The following CTNNA2 variants were observed in gnomAD, a reference collection of about 807,000 sequenced individuals.
The protein encoded by CTNNA2 is catenin alpha 2, also known as catenin alpha-2.
In CTNNA2, 42 loss-of-function variants were observed where a neutral mutation model predicts 101.0. The observed-to-expected ratio is 0.42, with a 90% CI of 0.32 to 0.54. The LOEUF (loss-of-function observed/expected upper bound fraction) is 0.54, where lower values mean the gene tolerates loss of function less well. Among genes scored for constraint, CTNNA2 ranks in the 20% least tolerant of loss-of-function variants. The pLI, the probability that CTNNA2 is intolerant of heterozygous loss-of-function variation, is 0.14. For missense variants in CTNNA2, 871 were observed against 1,223.1 expected, an observed-to-expected ratio of 0.71 and a Z score of 4.29; for synonymous variants, 450 against 456.4, an observed-to-expected ratio of 0.99 and a Z score of 0.18.
chr2:80,571,907 A>G (rs1481783010), intron 12 of CTNNA2, among the ~76,000 whole-genome samples: 2 of 152,184 alleles, frequency 1.3e-5, no homozygotes, highest in African/African-American at 4.8e-5. Context: ...CTTTGAATAT[A>G]TAACCTAGCA....
At chr2:80,349,642 T>C (rs1673098578) in intron 7 of CTNNA2, among the ~76,000 whole-genome samples, 1 of 152,136 alleles carries the variant, frequency 6.6e-6, no homozygotes, top group Non-Finnish European at 1.5e-5. Context: ...TTCACTGGTA[T>C]CTTGTTATAT....
chr2:80,606,298 T>G (rs1697995407), intron 16 of CTNNA2, among the ~76,000 whole-genome samples: 1 of 151,626 alleles, frequency 6.6e-6, no homozygotes, highest in African/African-American at 2.4e-5. Context: ...TTTACCTTTT[T>G]GGGCTTTTAT....
chr2:79,421,150 G>A (rs989848140), intron 4 of CTNNA2, among the ~76,000 whole-genome samples: 1 of 152,156 alleles, frequency 6.6e-6, no homozygotes, highest in Admixed American at 6.5e-5. Context: ...CTTTGTGTAT[G>A]AGAGTGTGAG....
chr2:80,192,010 C>T (rs1410367170), intron 7 of CTNNA2, among the ~76,000 whole-genome samples: 1 of 152,100 alleles, frequency 6.6e-6, no homozygotes, highest in Non-Finnish European at 1.5e-5. Context: ...AGTGAAAGGT[C>T]CTACCATAAT....
At chr2:79,932,904 A>T (rs1687543070) in intron 7 of CTNNA2, among the ~76,000 whole-genome samples, 2 of 152,176 alleles carry the variant, frequency 1.3e-5, no homozygotes, top group Non-Finnish European at 2.9e-5. Flanking sequence ...GAATGTGTCT[A>T]CTGTAATAGT....
At chr2:79,771,132 G>C (rs1673542071) in intron 3 of CTNNA2, among the ~76,000 whole-genome samples, 1 of 152,186 alleles carries the variant, frequency 6.6e-6, no homozygotes, top group African/African-American at 2.4e-5. Flanking sequence ...TCACAGTAGA[G>C]AAATTTGTGG....
chr2:80,505,866 G>T (rs1292865640), intron 9 of CTNNA2, among the ~76,000 whole-genome samples: 1 of 152,164 alleles, frequency 6.6e-6, no homozygotes, highest in Non-Finnish European at 1.5e-5. Flanking sequence ...AACTGTAAGT[G>T]CTATACCTTT....
At chr2:79,292,486 T>C (rs1675849217) in intron 2 of CTNNA2, among the ~76,000 whole-genome samples, 1 of 152,138 alleles carries the variant, frequency 6.6e-6, no homozygotes, top group Non-Finnish European at 1.5e-5. Flanking sequence ...ATCACCTAGG[T>C]AATCAACTGT....
intron 7 of CTNNA2, among the ~76,000 whole-genome samples, chr2:80,318,390 G>A (rs1282992777): frequency 6.6e-6 from 1 of 152,224 alleles, no homozygotes; most frequent in South Asian, 2.1e-4. Flanking sequence ...CAAGAGCAAA[G>A]TCCAGGTTGT....
At chr2:80,188,917 A>G (rs567971978) in intron 7 of CTNNA2, among the ~76,000 whole-genome samples, 4 of 146,816 alleles carry the variant, frequency 2.7e-5, no homozygotes, top group East Asian at 2.0e-4. Context: ...ACTCTTTCCA[A>G]CCTACTGTGT....
intron 2 of CTNNA2, among the ~76,000 whole-genome samples, chr2:79,659,730 C>T (rs1054560683): frequency 6.6e-6 from 1 of 152,198 alleles, no homozygotes; most frequent in African/African-American, 2.4e-5. Context: ...GGAGCAGTGG[C>T]TCATGCCTGT....
chr2:80,251,404 C>G (rs901242156), intron 7 of CTNNA2, among the ~76,000 whole-genome samples: 1 of 152,108 alleles, frequency 6.6e-6, no homozygotes, highest in Non-Finnish European at 1.5e-5. Context: ...AATCACTGGC[C>G]TCTGTTCAGA....
chr2:80,195,145 T>A (rs1706753367), intron 7 of CTNNA2, among the ~76,000 whole-genome samples: 1 of 152,202 alleles, frequency 6.6e-6, no homozygotes, highest in Admixed American at 6.5e-5. Context: ...TGACTGTTCT[T>A]GATGACAGCT....
chr2:79,751,426 T>C (rs141369622), intron 3 of CTNNA2, among the ~76,000 whole-genome samples: 2,272 of 151,866 alleles, frequency 0.015, 55 homozygotes, highest in African/African-American at 0.052. Context: ...AAACCCCGTC[T>C]CTACTAAAAA....
chr2:79,534,913 A>T (rs1370573633), intron 1 of CTNNA2, among the ~76,000 whole-genome samples: 1 of 151,584 alleles, frequency 6.6e-6, no homozygotes, highest in Non-Finnish European at 1.5e-5. Context: ...AAAAAAAAAA[A>T]CTCCTGCAAA....
intron 7 of CTNNA2, among the ~76,000 whole-genome samples, chr2:80,249,052 T>A (rs926241068): frequency 1.3e-5 from 2 of 152,144 alleles, no homozygotes; most frequent in African/African-American, 4.8e-5. Context: ...TGCAGTGCCC[T>A]TCTCTCCTCC....
intron 2 of CTNNA2, among the ~76,000 whole-genome samples, chr2:79,242,969 A>AATATATAT (rs137898899): frequency 9.7e-4 from 123 of 127,342 alleles, no homozygotes; most frequent in African/African-American, 3.3e-3. Context: ...CCTGTCTCGA[A>AATATATAT]ATATATATAT....
intron 7 of CTNNA2, among the ~76,000 whole-genome samples, chr2:80,205,052 C>T (rs1266319717): frequency 2.0e-5 from 3 of 152,150 alleles, no homozygotes; most frequent in Admixed American, 2.0e-4. Context: ...TCAATCATCT[C>T]CCACCAGGTC....
At chr2:80,269,426 G>A (rs989511454) in intron 7 of CTNNA2, among the ~76,000 whole-genome samples, 1 of 152,136 alleles carries the variant, frequency 6.6e-6, no homozygotes, top group African/African-American at 2.4e-5. Context: ...TCAGAACTGT[G>A]AGTCAATTAA....
Sources: allele counts gnomAD v4.1 joint callset (sites outside exome capture counted in the v4.1 genomes callset), GRCh38; gene constraint gnomAD v4.1.1; transcripts MANE v1.5; gene names NCBI Gene and HGNC (gene_info 2026-07-23, HGNC 2026-07-21).